The following DENND1B variants were observed in gnomAD, a reference collection of about 807,000 sequenced individuals.
DENND1B encodes the protein DENN domain-containing protein 1B.
In DENND1B, 59 loss-of-function variants were observed where a neutral mutation model predicts 90.1. That is an observed-to-expected ratio of 0.65 (90% CI 0.53 to 0.81). The LOEUF (loss-of-function observed/expected upper bound fraction) is 0.81. Ranked by LOEUF, DENND1B falls within the 40% of genes least tolerant of loss-of-function variation. The pLI, the probability that DENND1B is intolerant of heterozygous loss-of-function variation, is 0.00. For synonymous variants in DENND1B, 337 were observed against 324.6 expected (o/e 1.04, Z -0.41); for missense variants, 862 against 912.6 (o/e 0.94, Z 0.71).
intron 19 of DENND1B, 29 bp downstream of exon 19, chr1:197,540,930 T>C (rs780642795): frequency 6.3e-7 from 1 of 1,594,466 alleles, no homozygotes; most frequent in African/African-American, 1.3e-5. Flanking sequence ...AGAATCAAGG[T>C]AAAATGGAAA....
intron 5 of DENND1B, among the ~76,000 whole-genome samples, chr1:197,666,097 A>G (rs1228237831): frequency 6.6e-6 from 1 of 152,212 alleles, no homozygotes; most frequent in Non-Finnish European, 1.5e-5. Context: ...GTAAAGATAT[A>G]AGAAAGTGAT....
At chr1:197,684,125 CTTGCT>C (rs1472962620) in intron 3 of DENND1B, among the ~76,000 whole-genome samples, 1 of 152,218 alleles carries the variant, frequency 6.6e-6, no homozygotes, top group East Asian at 1.9e-4. Context: ...AGTCTGCATG[CTTGCT>C]TTATCTTCCT....
At chr1:197,582,836 AC>A (rs766038328) in intron 15 of DENND1B, among the ~76,000 whole-genome samples, 73 of 152,256 alleles carry the variant, frequency 4.8e-4, no homozygotes, top group Non-Finnish European at 9.0e-4. Flanking sequence ...AATCCACCAT[AC>A]CAAAATAACT....
intron 10 of DENND1B, among the ~76,000 whole-genome samples, chr1:197,627,583 G>A (rs1678887859): frequency 1.3e-5 from 2 of 152,024 alleles, no homozygotes; most frequent in African/African-American, 4.8e-5. Flanking sequence ...TACTGAATGG[G>A]CAAAAACTGG....
intron 2 of DENND1B, among the ~76,000 whole-genome samples, chr1:197,733,274 A>C (rs1662318780): frequency 6.6e-6 from 1 of 151,642 alleles, no homozygotes; most frequent in African/African-American, 2.4e-5. Context: ...GAATAAGCAC[A>C]AAAAAAAATT....
chr1:197,579,200 C>T lies in DENND1B; in HGVS notation c.1149+3952G>A, dbSNP rs1673971870. Among the ~76,000 whole-genome samples, 2 of 152,066 alleles carry T rather than the reference C, an allele frequency of 1.3e-5. 1 individual carries two copies. Among genetic ancestry groups the T allele is most frequent in the South Asian group, 4.1e-4 (2 of 4,822 alleles). ...TGATGGAATAATTGGGGATGGTAGC[C>T]TAGCCAAGTGGACACATTAATGAAA... On this transcript the variant is annotated intron_variant, in intron 15 of 22. Transcript: ENST00000620048.
rs773805197 is a variant in DENND1B, at chr1:197,586,837, T to C, written c.1048-3584A>G. On this transcript the variant is annotated intron_variant, in intron 14 of 22. Transcript: ENST00000620048. ...GAATCCCATGGGAAAGCACTGACTGTATCACAGAGTTAATCCCACTTTGAG... is the reference window on the plus strand; with the variant it reads ...GAATCCCATGGGAAAGCACTGACTGCATCACAGAGTTAATCCCACTTTGAG... 3.9e-5 allele frequency among the ~76,000 whole-genome samples: 6 copies of C among 152,176 alleles called. No individual in the cohort carries two copies. The South Asian group carries it at 1.2e-3, about 32-fold the overall frequency.
intron 2 of DENND1B, among the ~76,000 whole-genome samples, chr1:197,741,029 AG>A (rs1663162183): frequency 6.6e-6 from 1 of 152,186 alleles, no homozygotes; most frequent in Non-Finnish European, 1.5e-5. Context: ...AAGCACACAA[AG>A]CTTTTCATAT....
chr1:197,686,898 T>A (rs1657301003), intron 3 of DENND1B, among the ~76,000 whole-genome samples: 1 of 152,148 alleles, frequency 6.6e-6, no homozygotes, highest in Admixed American at 6.6e-5. Flanking sequence ...CCAGCCAGAA[T>A]GCTAGGTTCA....
intron 9 of DENND1B, among the ~76,000 whole-genome samples, chr1:197,643,982 G>GT (rs1224307605): frequency 2.0e-5 from 3 of 152,188 alleles, no homozygotes; most frequent in African/African-American, 7.2e-5. Context: ...AGGCAAGAAT[G>GT]TAAGAAATCC....
At chr1:197,597,298 C>T (rs1033072950) in intron 13 of DENND1B, among the ~76,000 whole-genome samples, 1 of 151,506 alleles carries the variant, frequency 6.6e-6, no homozygotes, top group South Asian at 2.1e-4. Flanking sequence ...AATGGGAGTG[C>T]ATATCAATAT....
chr1:197,662,853 GT>G (rs1318073572), intron 5 of DENND1B, among the ~76,000 whole-genome samples: 1 of 152,014 alleles, frequency 6.6e-6, no homozygotes, highest in Non-Finnish European at 1.5e-5. Context: ...AAATTCATTT[GT>G]TTATTTAACA....
At chr1:197,514,235 T>G (rs1375849783) in intron 20 of DENND1B, among the ~76,000 whole-genome samples, 1 of 151,714 alleles carries the variant, frequency 6.6e-6, no homozygotes, top group Non-Finnish European at 1.5e-5. Context: ...GAGCTTTACC[T>G]TATCAACTAT....
intron 2 of DENND1B, among the ~76,000 whole-genome samples, chr1:197,739,895 G>A (rs889145460): frequency 2.0e-5 from 3 of 152,130 alleles, no homozygotes; most frequent in Non-Finnish European, 2.9e-5. Flanking sequence ...CAATTTCTAA[G>A]AAATCAGACC....
Position 197,674,166 on chromosome 1 carries a change from T to C in DENND1B, c.130A>G (p.Ile44Val), listed in dbSNP as rs772729061. 1.1e-5 allele frequency: 17 copies of C among 1,597,984 alleles called. No homozygotes were observed. In the African/African-American group the frequency reaches 1.6e-4, roughly 15 times the overall value. Reference protein sequence around the residue: ...KFPEDFGDQEILQSVPKFCFP... With the variant: ...KFPEDFGDQEVLQSVPKFCFP... ...CAGAACTTTGGCACACTCTGTAGTA[T>C]TTCCTACAAATGGAAATTTCAAAAA... Residue 44 changes from isoleucine to valine, a missense_variant, in exon 4 of 23, where the codon ATA (isoleucine) becomes GTA (valine). Coordinates refer to ENST00000620048, the MANE Select transcript of DENND1B (RefSeq NM_001195215.2).
chr1:197,686,169 A>G (rs1572327198), intron 3 of DENND1B, among the ~76,000 whole-genome samples: 1 of 152,196 alleles, frequency 6.6e-6, no homozygotes, highest in East Asian at 1.9e-4. Context: ...GGGAGGAACT[A>G]TAAATAAAAT....
intron 2 of DENND1B, among the ~76,000 whole-genome samples, chr1:197,740,343 G>T (rs576848222): frequency 1.3e-5 from 2 of 152,240 alleles, no homozygotes; most frequent in East Asian, 3.9e-4. Context: ...AAACAAGGGG[G>T]ATTTGAGCCA....
In DENND1B at chr1:197,510,576, CTT is replaced by C. The variant is rs746999013; in HGVS notation, c.2210_2211del (p.Lys737ArgfsTer11). 1 of 1,612,614 alleles carries C rather than the reference CTT, an allele frequency of 6.2e-7. No homozygotes were observed. ...VPWEKEGKEA[K>X]ETSEDIGLLH... ...AGCAGTCCAATATCTTCTGAAGTCT[CTT>C]TGGCTTCTTTCCCTTCTTTCTCCCA... On this transcript the variant is annotated frameshift_variant, in exon 23 of 23. Coordinates refer to ENST00000620048, the MANE Select transcript of DENND1B (RefSeq NM_001195215.2). LOFTEE classifies it low-confidence loss of function (END_TRUNC).
intron 6 of DENND1B, among the ~76,000 whole-genome samples, chr1:197,657,847 G>C (rs1654004394): frequency 6.6e-6 from 1 of 152,148 alleles, no homozygotes; most frequent in African/African-American, 2.4e-5. Context: ...AGTAGAGGAA[G>C]CACCCCCAGT....
Sources: gnomAD v4.1 joint callset for allele counts (sites outside exome capture counted in the v4.1 genomes callset) on GRCh38, gnomAD v4.1.1 for gene constraint, MANE v1.5 for transcripts, NCBI Gene and HGNC (gene_info 2026-07-23, HGNC 2026-07-21) for gene names.